The following MAPKAP1 variants were observed in gnomAD, a reference collection of about 807,000 sequenced individuals.
The protein encoded by MAPKAP1 is target of rapamycin complex 2 subunit MAPKAP1.
Under a neutral mutation model 65.7 loss-of-function variants are expected in MAPKAP1, and 20 were observed. The ratio of observed to expected loss-of-function variants is 0.30; its 90% confidence interval spans 0.21 to 0.44. The LOEUF (loss-of-function observed/expected upper bound fraction) is 0.44, where lower values mean the gene tolerates loss of function less well. Ranked by LOEUF, MAPKAP1 falls within the 20% of genes least tolerant of loss-of-function variation. The pLI, the probability that MAPKAP1 is intolerant of heterozygous loss-of-function variation, is 1.00. For missense variants in MAPKAP1, 423 were observed against 648.0 expected (o/e 0.65, Z 3.77); for synonymous variants, 222 against 244.3 (o/e 0.91, Z 0.85).
Position 125,444,608 on chromosome 9 carries a change from C to T in MAPKAP1, c.1346-10G>A. 1 of 1,602,532 alleles carries T rather than the reference C, an allele frequency of 6.2e-7. No homozygotes were observed. On this transcript the variant is annotated splice_polypyrimidine_tract_variant and intron_variant, in intron 10 of 11. Coordinates refer to ENST00000265960, the MANE Select transcript of MAPKAP1 (RefSeq NM_001006617.3). ...TTAAATATTGCGTGACCTGCAGAGA[C>T]AGAAAACTGTGTTGAGGGGTTCTGG...
chr9:125,499,381 T>C (rs1471382965), intron 8 of MAPKAP1, among the ~76,000 whole-genome samples: 1 of 152,254 alleles, frequency 6.6e-6, no homozygotes, highest in African/African-American at 2.4e-5. Context: ...AAAATCCTTT[T>C]AAAAGCCTTT....
chr9:125,525,698 A>G (rs1829742931), intron 7 of MAPKAP1, among the ~76,000 whole-genome samples: 1 of 150,210 alleles, frequency 6.7e-6, no homozygotes, highest in African/African-American at 2.5e-5. Flanking sequence ...AACAAAAACA[A>G]AAACAAACAA....
At chr9:125,706,258 A>G (rs1325019233) in intron 1 of MAPKAP1, among the ~76,000 whole-genome samples, 1 of 151,868 alleles carries the variant, frequency 6.6e-6, no homozygotes, top group Non-Finnish European at 1.5e-5. Context: ...CTTTTTTTAA[A>G]CCAATGGGTC....
At chr9:125,576,579 G>A (rs1157593706) in intron 5 of MAPKAP1, among the ~76,000 whole-genome samples, 3 of 152,298 alleles carry the variant, frequency 2.0e-5, no homozygotes, top group Admixed American at 2.0e-4. Context: ...GCCGAAGCTG[G>A]ACTGTACTGC....
Position 125,439,802 on chromosome 9 carries a change from G to A in MAPKAP1, c.1444-790C>T, listed in dbSNP as rs551919190. ...GCTACAGCGCTGAGACTTGGTCCTG[G>A]CCCTGGGGAGCTTGCTGCCTGGTGA... is the stretch of plus-strand genomic sequence containing the variant. On this transcript the variant is annotated intron_variant, in intron 11 of 11. Coordinates refer to ENST00000265960, the MANE Select transcript of MAPKAP1 (RefSeq NM_001006617.3). This position sits in a 1 kb window ranked among gnomAD's most constrained non-coding sequence, Gnocchi z 4.0. 6.6e-6 allele frequency among the ~76,000 whole-genome samples: 1 copy of A among 152,274 alleles called. No homozygotes were observed. The highest frequency in any genetic ancestry group is 2.4e-5 in the African/African-American group (1 of 41,474).
chr9:125,570,935 T>A (rs973804880), intron 5 of MAPKAP1, among the ~76,000 whole-genome samples: 1 of 151,450 alleles, frequency 6.6e-6, no homozygotes, highest in Non-Finnish European at 1.5e-5. Flanking sequence ...AAAAAAAAAA[T>A]GTAAAGGGTT....
chr9:125,519,671 T>TAA (rs1554815773), intron 7 of MAPKAP1, among the ~76,000 whole-genome samples: 59 of 147,824 alleles, frequency 4.0e-4, no homozygotes, highest in Admixed American at 9.5e-4. Context: ...TATATATATA[T>TAA]AATTTAAAAA....
At chr9:125,633,459 T>C (rs758730383) in intron 4 of MAPKAP1, among the ~76,000 whole-genome samples, 3 of 152,236 alleles carry the variant, frequency 2.0e-5, no homozygotes, top group Admixed American at 6.5e-5. Flanking sequence ...TAGATTAAGC[T>C]GAGACAGAAA....
chr9:125,669,888 G>T lies in MAPKAP1; in HGVS notation c.279C>A (p.Leu93=). ...RSNTAQRLER[L]RKERQNQIKC... is the part of the protein sequence containing the mutation. ...TGATCTGGTTTTGTCTCTCTTTTCG[G>T]AGTCGTTCTAATCTTTGAGCTTGAA... is the stretch of plus-strand genomic sequence containing the variant. Residue 93 remains leucine (L), a synonymous_variant, in exon 3 of 12, where the codon CTC becomes CTA. Transcript: ENST00000265960. 1 of 1,594,572 alleles carries T rather than the reference G, an allele frequency of 6.3e-7. No individual in the cohort carries two copies. The highest frequency in any genetic ancestry group is 8.6e-7 in the Non-Finnish European group (1 of 1,168,584).
At chr9:125,597,157 T>C (rs1305478245) in intron 4 of MAPKAP1, among the ~76,000 whole-genome samples, 3 of 148,434 alleles carry the variant, frequency 2.0e-5, no homozygotes, top group Admixed American at 6.8e-5. Flanking sequence ...CCCAGCTACT[T>C]GGGAGGCTGA....
chr9:125,672,046 T>C (rs1240920668), intron 2 of MAPKAP1, among the ~76,000 whole-genome samples: 2 of 152,236 alleles, frequency 1.3e-5, no homozygotes, highest in African/African-American at 2.4e-5. Flanking sequence ...TTCTACACAA[T>C]GACTTGTTAG....
intron 4 of MAPKAP1, among the ~76,000 whole-genome samples, chr9:125,605,164 TTAATTA>T (rs1334216997): frequency 1.3e-5 from 2 of 152,222 alleles, no homozygotes; most frequent in Admixed American, 6.5e-5. Flanking sequence ...AAAATTCACT[TTAATTA>T]TAACTTTTCA....
chr9:125,549,014 G>A (rs56139412), intron 6 of MAPKAP1, among the ~76,000 whole-genome samples: 3,092 of 152,282 alleles, frequency 0.02, 107 homozygotes, highest in African/African-American at 0.071. Context: ...CTCCACAGCC[G>A]CAAAGGGAGT....
intron 7 of MAPKAP1, among the ~76,000 whole-genome samples, chr9:125,507,820 G>A (rs982958102): frequency 2.6e-5 from 4 of 152,056 alleles, no homozygotes; most frequent in African/African-American, 9.7e-5. Context: ...TATCAAAAAG[G>A]TATTGTGTTT....
intron 4 of MAPKAP1, among the ~76,000 whole-genome samples, chr9:125,618,625 G>C (rs758988331): frequency 1.3e-5 from 2 of 152,108 alleles, no homozygotes; most frequent in Non-Finnish European, 1.5e-5. Context: ...AATACCAAGT[G>C]ATTTCAAAGA....
chr9:125,635,117 C>A (rs887253911), intron 4 of MAPKAP1, among the ~76,000 whole-genome samples: 2 of 152,184 alleles, frequency 1.3e-5, no homozygotes, highest in African/African-American at 4.8e-5. Context: ...ACGCTATTCT[C>A]CAGCAATGTC....
chr9:125,616,106 A>G (rs1282430263), intron 4 of MAPKAP1, among the ~76,000 whole-genome samples: 2 of 152,148 alleles, frequency 1.3e-5, no homozygotes, highest in Non-Finnish European at 2.9e-5. Flanking sequence ...TATATGACCA[A>G]GCGAGCATGA....
chr9:125,693,712 T>TATATATACACGTATACACACAC (rs1564620317), intron 1 of MAPKAP1, among the ~76,000 whole-genome samples: 3 of 57,434 alleles, frequency 5.2e-5, no homozygotes, highest in African/African-American at 1.8e-4. Flanking sequence ...TATATACACA[T>TATATATACACGTATACACACAC]ATATACACGT....
chr9:125,544,026 A>G (rs1039184392), intron 6 of MAPKAP1, among the ~76,000 whole-genome samples: 80 of 134,728 alleles, frequency 5.9e-4, no homozygotes, highest in African/African-American at 1.9e-3. Context: ...TCATACACAC[A>G]CTTTTTTTTT....
Sources: allele counts gnomAD v4.1 joint callset (sites outside exome capture counted in the v4.1 genomes callset), GRCh38; gene constraint gnomAD v4.1.1; non-coding constraint Gnocchi (gnomAD v3.1); transcripts MANE v1.5; gene names NCBI Gene and HGNC (gene_info 2026-07-23, HGNC 2026-07-21).